Variants in SPOCK1 observed in about 807,000 individuals in gnomAD.
The protein encoded by SPOCK1 is SPARC (osteonectin), cwcv and kazal like domains proteoglycan 1, also known as testican-1.
A neutral mutation model predicts 55.3 loss-of-function variants in SPOCK1; 23 were observed. That is an observed-to-expected ratio of 0.42 (90% CI 0.30 to 0.59). The LOEUF is 0.59. Ranked by LOEUF, SPOCK1 falls within the 20% of genes least tolerant of loss-of-function variation. SPOCK1 has a pLI of 0.22. For synonymous variants in SPOCK1, 226 were observed against 221.0 expected (o/e 1.02, Z -0.20); for missense variants, 499 against 552.5 (o/e 0.90, Z 0.97).
At chr5:137,460,100 T>C (rs1214887014) in intron 2 of SPOCK1, among the ~76,000 whole-genome samples, 2 of 152,160 alleles carry the variant, frequency 1.3e-5, no homozygotes, top group East Asian at 3.9e-4. Flanking sequence ...CTAAGAGGTG[T>C]GGATTCAATT....
chr5:137,032,330 G>C (rs994700712), intron 6 of SPOCK1, among the ~76,000 whole-genome samples: 2 of 152,112 alleles, frequency 1.3e-5, no homozygotes, highest in African/African-American at 4.8e-5. Context: ...CTCAGGTTTG[G>C]GAACAGCATA....
chr5:137,086,408 A>C (rs538148628), intron 5 of SPOCK1, among the ~76,000 whole-genome samples: 5 of 152,350 alleles, frequency 3.3e-5, no homozygotes, highest in Admixed American at 3.3e-4. Flanking sequence ...CCCAGGGCTG[A>C]GCAGCACTCA....
At chr5:137,059,307 T>C (rs1383120222) in intron 6 of SPOCK1, among the ~76,000 whole-genome samples, 4 of 152,204 alleles carry the variant, frequency 2.6e-5, no homozygotes, top group Non-Finnish European at 4.4e-5. Flanking sequence ...TACGTGAAAA[T>C]ATATGTATGA....
chr5:137,230,981 C>A (rs981686838), intron 3 of SPOCK1, among the ~76,000 whole-genome samples: 1 of 152,026 alleles, frequency 6.6e-6, no homozygotes, highest in Non-Finnish European at 1.5e-5. Flanking sequence ...TGTATACCTT[C>A]CTGTATCCAC....
rs189233137 is a variant in SPOCK1, at chr5:137,016,982, G to A, written c.590-24382C>T. Among the ~76,000 whole-genome samples, 630 of 152,332 alleles carry A rather than the reference G, an allele frequency of 4.1e-3. 2 individuals carry two copies. Among genetic ancestry groups the A allele is most frequent in the Admixed American group, 6.8e-3 (104 of 15,312 alleles). ...CTCAAGCACATGTGGAGGCTGGAGC[G>A]CTGAGGCTCCTCCTTCTGACTGGGA... On this transcript the variant is annotated intron_variant, in intron 6 of 10. Coordinates refer to ENST00000394945, the MANE Select transcript of SPOCK1 (RefSeq NM_004598.4).
intron 2 of SPOCK1, among the ~76,000 whole-genome samples, chr5:137,305,390 T>C (rs1451378629): frequency 1.3e-5 from 2 of 152,178 alleles, no homozygotes; most frequent in Non-Finnish European, 2.9e-5. Flanking sequence ...GCTTATCTTA[T>C]CCTAACTTGA....
intron 3 of SPOCK1, among the ~76,000 whole-genome samples, chr5:137,232,928 C>T (rs935076205): frequency 5.9e-5 from 9 of 152,030 alleles, no homozygotes; most frequent in Admixed American, 4.6e-4. Flanking sequence ...TGTGTTATTC[C>T]GCACTATCAT....
intron 5 of SPOCK1, among the ~76,000 whole-genome samples, chr5:137,076,498 T>TG (rs1752763803): frequency 6.6e-6 from 1 of 151,326 alleles, no homozygotes; most frequent in Non-Finnish European, 1.5e-5. Flanking sequence ...TTCAGTGTAC[T>TG]CAGAACACTC....
chr5:137,355,108 GC>G (rs1750763780), intron 2 of SPOCK1, among the ~76,000 whole-genome samples: 1 of 151,980 alleles, frequency 6.6e-6, no homozygotes, highest in African/African-American at 2.4e-5. Flanking sequence ...TCACCATGTT[GC>G]CCAGGCTGGT....
chr5:137,144,640 G>A (rs553821333), intron 3 of SPOCK1, among the ~76,000 whole-genome samples: 3 of 152,132 alleles, frequency 2.0e-5, no homozygotes, highest in African/African-American at 7.2e-5. Context: ...TCCCAAATAC[G>A]TTTTACCTAG....
intron 2 of SPOCK1, among the ~76,000 whole-genome samples, chr5:137,412,069 T>C (rs374733942): frequency 2.0e-5 from 3 of 151,554 alleles, no homozygotes; most frequent in African/African-American, 4.9e-5. Context: ...ATGTGAAGAG[T>C]TGAGGGGAAG....
chr5:137,119,706 A>G (rs1271525766), intron 4 of SPOCK1, among the ~76,000 whole-genome samples: 2 of 152,238 alleles, frequency 1.3e-5, no homozygotes. Context: ...CAATGGTGCA[A>G]AAGACTTGCT....
chr5:137,335,908 T>C (rs1171855311), intron 2 of SPOCK1, among the ~76,000 whole-genome samples: 1 of 152,152 alleles, frequency 6.6e-6, no homozygotes, highest in African/African-American at 2.4e-5. Context: ...ACACAGCCTA[T>C]CTGTACAAAT....
chr5:137,031,607 A>G (rs1751781188), intron 6 of SPOCK1, among the ~76,000 whole-genome samples: 1 of 152,212 alleles, frequency 6.6e-6, no homozygotes, highest in Admixed American at 6.5e-5. Flanking sequence ...AAGATGGGCC[A>G]TGTTTTGGGT....
chr5:137,120,837 A>G (rs1171125347), intron 4 of SPOCK1, among the ~76,000 whole-genome samples: 1 of 152,236 alleles, frequency 6.6e-6, no homozygotes, highest in Non-Finnish European at 1.5e-5. Context: ...GCATTTCTAC[A>G]GCAATGCTTA....
At chr5:136,985,028 T>TTCTTTCATGAAACACTAGCCC in intron 9 of SPOCK1, 112 bp downstream of exon 9, 1 of 1,113,108 alleles carries the variant, frequency 9.0e-7, no homozygotes, top group Non-Finnish European at 1.4e-6. Flanking sequence ...AACAAGGCAT[T>TTCTTTCATGAAACACTAGCCC]TCTTTCATGA....
intron 1 of SPOCK1, 44 bp from the exon 2 acceptor site, chr5:137,498,602 G>T: frequency 7.8e-7 from 1 of 1,274,662 alleles, no homozygotes; most frequent in Non-Finnish European, 9.8e-7. Flanking sequence ...GAGGGCGGGC[G>T]GCCGCGAGCC....
intron 3 of SPOCK1, among the ~76,000 whole-genome samples, chr5:137,150,482 T>C (rs968952857): frequency 6.6e-6 from 1 of 152,144 alleles, no homozygotes; most frequent in African/African-American, 2.4e-5. Context: ...AATGTCACTA[T>C]TGAAGAGTCA....
intron 2 of SPOCK1, among the ~76,000 whole-genome samples, chr5:137,439,324 G>A (rs1272215768): frequency 1.3e-5 from 2 of 152,100 alleles, no homozygotes; most frequent in African/African-American, 4.8e-5. Flanking sequence ...CTTGCCCTAG[G>A]CTTCCTCACT....
Sources: allele counts gnomAD v4.1 joint callset (sites outside exome capture counted in the v4.1 genomes callset), GRCh38; gene constraint gnomAD v4.1.1; transcripts MANE v1.5; gene names NCBI Gene and HGNC (gene_info 2026-07-23, HGNC 2026-07-21).